The following ST6GALNAC4 variants were observed in gnomAD, a reference collection of about 807,000 sequenced individuals.
The protein encoded by ST6GALNAC4 is ST6 N-acetylgalactosaminide alpha-2,6-sialyltransferase 4.
ST6GALNAC4 carries 24 observed loss-of-function variants against 30.4 expected under a neutral mutation model. The observed-to-expected ratio is 0.79, with a 90% confidence interval of 0.57 to 1.11. ST6GALNAC4 has a LOEUF of 1.11. Among genes scored for constraint, ST6GALNAC4 ranks in the 50% most tolerant of loss-of-function variants. The probability of loss-of-function intolerance (pLI) is 0.00; values close to 1 mark genes in which losing one functional copy is unlikely to be tolerated. For synonymous variants in ST6GALNAC4, 156 were observed against 179.7 expected, an observed-to-expected ratio of 0.87 and a Z score of 1.05; for missense variants, 365 against 430.1, an observed-to-expected ratio of 0.85 and a Z score of 1.34.
At position 127,910,057 on chromosome 9, in the gene ST6GALNAC4, T is replaced by C. The variant is rs1426163251; in HGVS notation, c.613A>G (p.Arg205Gly). 6.2e-7 allele frequency: 1 copy of C among 1,613,132 alleles called. No individual in the cohort carries two copies. Among genetic ancestry groups the C allele is most frequent in the South Asian group, 1.1e-5 (1 of 91,068 alleles). The change falls in exon 5 of 6, where the codon AGG (arginine) becomes GGG (glycine). Residue 205 changes from arginine (R) to glycine (G), a missense_variant and splice_region_variant. Physicochemically the swap from Arg to Gly is moderately radical, Grantham distance 125. Coordinates refer to ENST00000335791, the MANE Select transcript of ST6GALNAC4 (RefSeq NM_175039.4). ...GTGCTGAGGAAGGAGCCCGACTGCC[T>C]CCTGGGGGTGGCGGGGGGACAGGGG... ...IFQDETGKNR[R>G]QSGSFLSTGW...
At position 127,912,591 on chromosome 9, in the gene ST6GALNAC4, A is replaced by G; in HGVS notation, c.288T>C (p.Ser96=). The G allele has an allele frequency of 1.2e-6, 2 of 1,610,600 alleles. No individual in the cohort carries two copies. Among genetic ancestry groups the G allele is most frequent in the Non-Finnish European group, 1.7e-6 (2 of 1,179,794 alleles). The change falls in exon 4 of 6, where the codon AGT becomes AGC. Residue 96 remains serine, a synonymous_variant. Coordinates refer to ENST00000335791, the MANE Select transcript of ST6GALNAC4 (RefSeq NM_175039.4). ...LGSGLGAEID[S]AECVFRMNQA... is the part of the protein sequence containing the mutation. Reference sequence around the variant, plus strand: ...GGTTCATGCGGAACACGCACTCGGCACTGTCGATCTCAGCACCCAGGCCTG... The same window carrying G: ...GGTTCATGCGGAACACGCACTCGGCGCTGTCGATCTCAGCACCCAGGCCTG...
chr9:127,912,507 G>A lies in ST6GALNAC4; in HGVS notation c.372C>T (p.Val124=), dbSNP rs764556104. 1 of 1,613,920 alleles carries A rather than the reference G, an allele frequency of 6.2e-7. No homozygotes were observed. The highest frequency in any genetic ancestry group is 1.1e-5 in the South Asian group (1 of 91,076). The change falls in exon 4 of 6, where the codon GTC becomes GTT. Residue 124 remains valine (V), a synonymous_variant. Coordinates refer to ENST00000335791, the MANE Select transcript of ST6GALNAC4 (RefSeq NM_175039.4). ...GCAGCAGCGGCACGCTTGTGTGTGA[G>A]ACGACACGCAGGGTGCTGCGCTGGC... ...DVGQRSTLRV[V]SHTSVPLLLR...
At chr9:127,916,057 G>A (rs1439491208) in intron 2 of ST6GALNAC4, 12 of 407,188 alleles carry the variant, frequency 2.9e-5, no homozygotes, top group Admixed American at 4.0e-5. Flanking sequence ...GAGATGAACT[G>A]CCCCCCACAT....
chr9:127,909,860 G>A (rs1351194734), intron 5 of ST6GALNAC4, 91 bp downstream of exon 5: 2 of 1,261,502 alleles, frequency 1.6e-6, no homozygotes, highest in Admixed American at 2.1e-5. Context: ...CACTCCCTCT[G>A]CCCCCACAGC....
Position 127,908,414 on chromosome 9 carries a change from T to C in ST6GALNAC4, c.887A>G (p.His296Arg). 1 of 1,576,526 alleles carries C rather than the reference T, an allele frequency of 6.3e-7. No individual in the cohort carries two copies. The highest frequency in any genetic ancestry group is 8.7e-7 in the Non-Finnish European group (1 of 1,152,956). ...WAKKRPIVFA[H>R]PSWRTE ...AAGCTACTCAGTCCTCCAGGACGGATGGGCGAACACGATGGGCCTCTTCTT... is the reference window on the plus strand; with the variant it reads ...AAGCTACTCAGTCCTCCAGGACGGACGGGCGAACACGATGGGCCTCTTCTT... The change falls in exon 6 of 6, where the codon CAT becomes CGT. Residue 296 changes from histidine (H) to arginine (R), a missense_variant. Transcript: ENST00000335791.
In ST6GALNAC4 at chr9:127,908,403, T is replaced by C; in HGVS notation, c.898A>G (p.Arg300Gly). 1 of 1,570,290 alleles carries C rather than the reference T, an allele frequency of 6.4e-7. No individual in the cohort carries two copies. The highest frequency in any genetic ancestry group is 1.7e-4 in the Middle Eastern group (1 of 5,750). The change falls in exon 6 of 6, where the codon AGG (arginine) becomes GGG (glycine). Residue 300 changes from arginine (R) to glycine (G), a missense_variant. Arg to Gly is a moderately radical substitution (Grantham distance 125, BLOSUM62 -2). Coordinates refer to ENST00000335791, the MANE Select transcript of ST6GALNAC4 (RefSeq NM_175039.4). ...RPIVFAHPSW[R>G]TE ...CAGGACGACGGAAGCTACTCAGTCC[T>C]CCAGGACGGATGGGCGAACACGATG...
intron 2 of ST6GALNAC4, 97 bp downstream of exon 2, chr9:127,916,311 C>A: frequency 4.6e-6 from 7 of 1,531,080 alleles, no homozygotes; most frequent in Non-Finnish European, 5.4e-6. Context: ...GTAGGGAGGT[C>A]AGAAGTGGCA....
intron 4 of ST6GALNAC4, among the ~76,000 whole-genome samples, chr9:127,911,858 A>T (rs1294488622): frequency 6.7e-6 from 1 of 149,956 alleles, no homozygotes; most frequent in Non-Finnish European, 1.5e-5. Flanking sequence ...CCTGACCTCA[A>T]GTGATCCTCC....
chr9:127,913,563 G>A (rs1231590177), intron 3 of ST6GALNAC4, among the ~76,000 whole-genome samples: 1 of 151,992 alleles, frequency 6.6e-6, no homozygotes, highest in Non-Finnish European at 1.5e-5. Flanking sequence ...CCAGCCTGTT[G>A]ACAGAGTGAG....
rs138457127 is a variant in ST6GALNAC4, at chr9:127,914,662, A to G, written c.192T>C (p.Asp64=). The G allele has an allele frequency of 1.1e-5, 17 of 1,609,182 alleles. No individual in the cohort carries two copies. Among genetic ancestry groups the G allele is most frequent in the Non-Finnish European group, 1.4e-5 (17 of 1,177,902 alleles). ...LHFSGYSSVP[D]GKPLVREPCR... ...CATTGCCTGGCCCACTCACCTTCCC[A>G]TCTGGCACACTGCTATATCCACTGA... The change falls in exon 3 of 6, where the codon GAT becomes GAC. Residue 64 remains aspartate (D), a synonymous_variant. Transcript: ENST00000335791.
At chr9:127,916,170 G>A (rs557428967) in intron 2 of ST6GALNAC4, 14 of 593,918 alleles carry the variant, frequency 2.4e-5, no homozygotes, top group East Asian at 1.1e-4. Flanking sequence ...TGGTGAGCTC[G>A]TAGCGTTACC....
At chr9:127,909,820 C>G in intron 5 of ST6GALNAC4, 131 bp downstream of exon 5, 1 of 860,992 alleles carries the variant, frequency 1.2e-6, no homozygotes, top group South Asian at 1.7e-5. Flanking sequence ...CAAGGGGTAT[C>G]TGTGCTATGG....
chr9:127,910,742 C>G (rs1014084859), intron 4 of ST6GALNAC4, among the ~76,000 whole-genome samples: 2 of 152,212 alleles, frequency 1.3e-5, no homozygotes, highest in African/African-American at 2.4e-5. Flanking sequence ...TTCATTCAAA[C>G]TGAGCCCCAC....
Position 127,908,207 on chromosome 9 carries a change from T to G in ST6GALNAC4, c.*185A>C. 1 of 295,298 alleles carries G rather than the reference T, an allele frequency of 3.4e-6. No homozygotes were observed. 18.3% of individuals were successfully genotyped at this position (295,298 alleles called of 1,614,324 possible). A position where few individuals can be genotyped will look rare whatever the true frequency, so the allele number is the denominator to read the frequency against. ...ACACGGCTCCCCCCTCCACTCCCCT[T>G]CAAGTCATGAGGCCTGAGATGGCTC... On this transcript the variant is annotated 3_prime_UTR_variant, in exon 6 of 6. Transcript: ENST00000335791.
intron 5 of ST6GALNAC4, 88 bp downstream of exon 5, chr9:127,909,863 C>T (rs1035310698): frequency 1.5e-6 from 2 of 1,311,972 alleles, no homozygotes; most frequent in African/African-American, 1.4e-5. Flanking sequence ...TCCCTCTGCC[C>T]CCACAGCTCC....
In ST6GALNAC4 at chr9:127,912,190, C is replaced by T. The variant is rs2131621115; in HGVS notation, c.611+78G>A. On this transcript the variant is annotated intron_variant, in intron 4 of 5. Coordinates refer to ENST00000335791, the MANE Select transcript of ST6GALNAC4 (RefSeq NM_175039.4). ...GACCTCCCGGGCCTGACAGAGCAGC[C>T]CCTGATGGACAAGAGACTCCCAGAG... is the stretch of plus-strand genomic sequence containing the variant. 5.7e-5 allele frequency: 88 copies of T among 1,533,668 alleles called. 1 individual carries two copies. In the South Asian group the frequency reaches 1.1e-3, roughly 19 times the overall value.
In ST6GALNAC4 at chr9:127,910,065, G is replaced by T. The variant is rs968049593; in HGVS notation, c.612-7C>A. 5.0e-6 allele frequency: 8 copies of T among 1,612,736 alleles called. No homozygotes were observed. Among genetic ancestry groups the T allele is most frequent in the African/African-American group, 1.3e-5 (1 of 74,934 alleles). On this transcript the variant is annotated splice_polypyrimidine_tract_variant and splice_region_variant and intron_variant, in intron 4 of 5. Transcript: ENST00000335791. ...GAAGGAGCCCGACTGCCTCCTGGGG[G>T]TGGCGGGGGGACAGGGGGACGCTGT...
intron 2 of ST6GALNAC4, 133 bp downstream of exon 2, chr9:127,916,275 G>T: frequency 1.6e-6 from 2 of 1,241,672 alleles, no homozygotes; most frequent in Non-Finnish European, 1.2e-6. Flanking sequence ...GGACTTTGAG[G>T]CCATTCTGCC....
At chr9:127,916,243 C>A in intron 2 of ST6GALNAC4, 165 bp downstream of exon 2, 1 of 866,992 alleles carries the variant, frequency 1.2e-6, no homozygotes, top group South Asian at 1.5e-5. Flanking sequence ...CCTGGGGCCA[C>A]ACGGTCTGCA....
Sources: gnomAD v4.1 joint callset for allele counts (sites outside exome capture counted in the v4.1 genomes callset) on GRCh38, gnomAD v4.1.1 for gene constraint, MANE v1.5 for transcripts, NCBI Gene and HGNC (gene_info 2026-07-23, HGNC 2026-07-21) for gene names.